The following B3GALT1 variants were observed in gnomAD, a reference collection of about 807,000 sequenced individuals.
B3GALT1 encodes the protein UDP-Gal:betaGlcNAc beta 1,3-galactosyltransferase, polypeptide 1.
In B3GALT1, 10 loss-of-function variants were observed where a neutral mutation model predicts 23.2. That is an observed-to-expected ratio of 0.43 (90% CI 0.27 to 0.73). The LOEUF is 0.73. Ranked by LOEUF, B3GALT1 falls within the 30% of genes least tolerant of loss-of-function variation. The pLI is 0.21. For synonymous variants in B3GALT1, 156 were observed against 141.5 expected, an observed-to-expected ratio of 1.10 and a Z score of -0.73; for missense variants, 299 against 405.4, an observed-to-expected ratio of 0.74 and a Z score of 2.25.
chr2:167,775,277 T>C (rs116509794), intron 3 of B3GALT1, among the ~76,000 whole-genome samples: 1,578 of 152,134 alleles, frequency 0.01, 37 homozygotes, highest in African/African-American at 0.037. Context: ...GTGTTTAAAA[T>C]ATAATGAAAT....
chr2:167,633,445 G>A (rs1054902851), intron 2 of B3GALT1, among the ~76,000 whole-genome samples: 3 of 151,034 alleles, frequency 2.0e-5, no homozygotes, highest in Non-Finnish European at 4.4e-5. Flanking sequence ...ATACACAAAG[G>A]CTAAAAATAA....
At chr2:167,535,049 G>T (rs1434129962) in intron 2 of B3GALT1, among the ~76,000 whole-genome samples, 1 of 152,148 alleles carries the variant, frequency 6.6e-6, no homozygotes, top group Non-Finnish European at 1.5e-5. Flanking sequence ...TCACTTCTAG[G>T]ACCATGATCG....
At chr2:167,822,681 G>A (rs1400974529) in intron 4 of B3GALT1, among the ~76,000 whole-genome samples, 1 of 152,106 alleles carries the variant, frequency 6.6e-6, no homozygotes, top group Non-Finnish European at 1.5e-5. Context: ...CTTGGCACTG[G>A]TTTTCATCTC....
At chr2:167,451,603 G>A (rs1024953135) in intron 1 of B3GALT1, among the ~76,000 whole-genome samples, 1 of 152,176 alleles carries the variant, frequency 6.6e-6, no homozygotes, top group Non-Finnish European at 1.5e-5. Flanking sequence ...AGGTGACAGG[G>A]GAGTGAAATG....
At chr2:167,786,374 T>C (rs1688345760) in intron 3 of B3GALT1, among the ~76,000 whole-genome samples, 1 of 152,220 alleles carries the variant, frequency 6.6e-6, no homozygotes, top group Non-Finnish European at 1.5e-5. Flanking sequence ...TTTGATTCTC[T>C]TTCAGAGAGT....
intron 1 of B3GALT1, among the ~76,000 whole-genome samples, chr2:167,444,798 G>C (rs1406871033): frequency 6.6e-6 from 1 of 151,834 alleles, no homozygotes; most frequent in East Asian, 1.9e-4. Context: ...TAATTTTATT[G>C]ATGTTTTGAA....
chr2:167,853,501 T>G lies in B3GALT1; in HGVS notation c.-229-15310T>G, dbSNP rs142426488. Among the ~76,000 whole-genome samples, 146 of 152,266 alleles carry G rather than the reference T, an allele frequency of 9.6e-4. 2 individuals are homozygous for G. Among genetic ancestry groups the G allele is most frequent in the Admixed American group, 6.7e-3 (103 of 15,284 alleles). ...ATTCCTTATTTTTTCCCATATAGAT[T>G]ATAGTTAATATAACTTGAAGCTCCT... On this transcript the variant is annotated intron_variant, in intron 4 of 4. Coordinates refer to ENST00000392690, the MANE Select transcript of B3GALT1 (RefSeq NM_020981.4).
In B3GALT1 at chr2:167,646,900, T is replaced by C. The variant is rs537590642; in HGVS notation, c.-409-9T>C. 6.6e-6 allele frequency among the ~76,000 whole-genome samples: 1 copy of C among 152,316 alleles called. No individual in the cohort carries two copies. Among genetic ancestry groups the C allele is most frequent in the African/African-American group, 2.4e-5 (1 of 41,576 alleles). ...ATCTAAATGTATTTTTTTTCTTCTC[T>C]TGAAAAAGTTCTCTTGCTGTGCTGC... On this transcript the variant is annotated splice_polypyrimidine_tract_variant and intron_variant, in intron 2 of 4. Transcript: ENST00000392690.
intron 1 of B3GALT1, among the ~76,000 whole-genome samples, chr2:167,480,516 G>A (rs915206518): frequency 6.6e-6 from 1 of 152,126 alleles, no homozygotes; most frequent in Non-Finnish European, 1.5e-5. Context: ...AAGCTAGAGT[G>A]ACTCTTTAGG....
chr2:167,697,815 A>AAAAC (rs368245441), intron 3 of B3GALT1, among the ~76,000 whole-genome samples: 5 of 152,346 alleles, frequency 3.3e-5, no homozygotes, highest in East Asian at 3.9e-4. Flanking sequence ...TTGATCCTTG[A>AAAAC]AAACAAACAA....
At chr2:167,306,522 A>G (rs1696554555) in intron 1 of B3GALT1, among the ~76,000 whole-genome samples, 1 of 151,922 alleles carries the variant, frequency 6.6e-6, no homozygotes, top group Non-Finnish European at 1.5e-5. Context: ...TTTGACTTTA[A>G]TATTTTGCAC....
At chr2:167,794,290 T>A (rs1051564163) in intron 3 of B3GALT1, among the ~76,000 whole-genome samples, 2 of 152,260 alleles carry the variant, frequency 1.3e-5, no homozygotes, top group African/African-American at 4.8e-5. Flanking sequence ...AATGAATGTA[T>A]GTTTTATTCA....
At chr2:167,518,565 A>G (rs1273439046) in intron 2 of B3GALT1, among the ~76,000 whole-genome samples, 2 of 152,204 alleles carry the variant, frequency 1.3e-5, no homozygotes, top group East Asian at 3.8e-4. Context: ...GTAAGAATTC[A>G]GCATGCAATA....
At chr2:167,745,650 A>G (rs1687641282) in intron 3 of B3GALT1, among the ~76,000 whole-genome samples, 1 of 151,934 alleles carries the variant, frequency 6.6e-6, no homozygotes, top group Non-Finnish European at 1.5e-5. Context: ...TCTTACTATC[A>G]TATTTTCATC....
chr2:167,627,906 T>A lies in B3GALT1; in HGVS notation c.-409-19003T>A, dbSNP rs373996920. On this transcript the variant is annotated intron_variant, in intron 2 of 4. Transcript: ENST00000392690. ...TATATGACACATGCTAATAGGTGTG[T>A]GGTGGTATCTCATTGTGATTTGAAT... Among the ~76,000 whole-genome samples the A allele has an allele frequency of 5.3e-5, 8 of 151,726 alleles. No individual in the cohort carries two copies. In the South Asian group the frequency reaches 1.7e-3, roughly 31 times the overall value.
intron 1 of B3GALT1, among the ~76,000 whole-genome samples, chr2:167,330,368 A>G (rs542378848): frequency 1.5e-4 from 23 of 152,200 alleles, no homozygotes; most frequent in Middle Eastern, 3.4e-3. Context: ...ACACTTTGGG[A>G]GGCTGAGATG....
rs1027621181 is a variant in B3GALT1 at position 167,445,764 on chromosome 2, C to T, written c.-510-44413C>T. Among the ~76,000 whole-genome samples, 8 of 152,036 alleles carry T rather than the reference C, an allele frequency of 5.3e-5. No homozygotes were observed. The South Asian group carries it at 1.0e-3, about 20-fold the overall frequency. ...TTTTGAGCTGATGTGTGTCTCTGCACGTGAGATGGGTTTCCTGAATACAGC... is the reference window on the plus strand; with the variant it reads ...TTTTGAGCTGATGTGTGTCTCTGCATGTGAGATGGGTTTCCTGAATACAGC... On this transcript the variant is annotated intron_variant, in intron 1 of 4. Transcript: ENST00000392690.
At chr2:167,481,766 T>C (rs1266442056) in intron 1 of B3GALT1, among the ~76,000 whole-genome samples, 1 of 152,204 alleles carries the variant, frequency 6.6e-6, no homozygotes, top group Non-Finnish European at 1.5e-5. Flanking sequence ...CCTGGAATCT[T>C]CACCTGTTCT....
intron 1 of B3GALT1, among the ~76,000 whole-genome samples, chr2:167,425,699 CCTTTT>C (rs968473113): frequency 3.3e-5 from 5 of 152,074 alleles, no homozygotes; most frequent in South Asian, 2.1e-4. Flanking sequence ...GTTCTTTTTT[CCTTTT>C]CTTTTCATTT....
Sources: allele counts gnomAD v4.1 joint callset (sites outside exome capture counted in the v4.1 genomes callset), GRCh38; gene constraint gnomAD v4.1.1; transcripts MANE v1.5; gene names NCBI Gene and HGNC (gene_info 2026-07-23, HGNC 2026-07-21).